The following COG3 variants were observed in gnomAD, a reference collection of about 807,000 sequenced individuals.
COG3 encodes conserved oligomeric Golgi complex subunit 3.
Under a neutral mutation model 114.1 loss-of-function variants are expected in COG3, and 32 were observed. That is an observed-to-expected ratio of 0.28 (90% confidence interval 0.21 to 0.38). COG3 has a LOEUF of 0.38. Ranked by LOEUF, COG3 falls within the 10% of genes least tolerant of loss-of-function variation. COG3 has a pLI of 1.00. For missense variants in COG3, 813 were observed against 973.2 expected (o/e 0.84, Z 2.19); for synonymous variants, 352 against 365.7 (o/e 0.96, Z 0.43).
chr13:45,486,539 T>G lies in COG3; in HGVS notation c.888T>G (p.Phe296Leu). Reference protein sequence around the residue: ...VPNADNAFTLFYVKFRAAAPK... With the variant: ...VPNADNAFTLLYVKFRAAAPK... ...ATGCAGACAATGCCTTCACATTATTTTATGTGAAATTTCGAGCTGCTGCCC... is the reference window on the plus strand; with the variant it reads ...ATGCAGACAATGCCTTCACATTATTGTATGTGAAATTTCGAGCTGCTGCCC... Residue 296 changes from phenylalanine (F) to leucine (L), a missense_variant, in exon 8 of 23, where the codon TTT becomes TTG. Physicochemically the swap from Phe to Leu is conservative, Grantham distance 22. This residue lies in a region of COG3 where 424 missense variants were observed against 430.6 expected (regional missense o/e 0.98). Transcript: ENST00000349995. The G allele has an allele frequency of 6.2e-7, 1 of 1,611,392 alleles. No individual in the cohort carries two copies. Among genetic ancestry groups the G allele is most frequent in the Non-Finnish European group, 8.5e-7 (1 of 1,177,520 alleles).
intron 20 of COG3, among the ~76,000 whole-genome samples, chr13:45,528,278 A>G (rs1467517810): frequency 6.6e-6 from 1 of 152,128 alleles, no homozygotes; most frequent in Non-Finnish European, 1.5e-5. Flanking sequence ...ACTTTTGGGA[A>G]CACCCTACTG....
chr13:45,496,002 C>T, intron 12 of COG3, 150 bp from the exon 13 acceptor site: 1 of 570,544 alleles, frequency 1.8e-6, no homozygotes, highest in East Asian at 3.2e-5. Flanking sequence ...TTTCCAAGCT[C>T]ATTGAGTCAT....
At chr13:45,484,781 G>T (rs1353202585) in intron 7 of COG3, among the ~76,000 whole-genome samples, 3 of 144,132 alleles carry the variant, frequency 2.1e-5, no homozygotes, top group Non-Finnish European at 4.6e-5. Context: ...GGTTACTTGA[G>T]ATTAGGGATT....
At chr13:45,490,286 G>A (rs759100602) in intron 8 of COG3, among the ~76,000 whole-genome samples, 14 of 152,100 alleles carry the variant, frequency 9.2e-5, no homozygotes, top group Non-Finnish European at 1.6e-4. Flanking sequence ...CTTTTGACCT[G>A]GTGTTTTGGG....
chr13:45,473,398 G>T (rs915536597), intron 1 of COG3, among the ~76,000 whole-genome samples: 1 of 152,048 alleles, frequency 6.6e-6, no homozygotes, highest in African/African-American at 2.4e-5. Context: ...CTTCATCCTA[G>T]CCTAGCTTTC....
Position 45,486,489 on chromosome 13 carries a change from C to G in COG3, c.844-6C>G. 6.3e-7 allele frequency: 1 copy of G among 1,577,620 alleles called. No homozygotes were observed. On this transcript the variant is annotated splice_polypyrimidine_tract_variant and splice_region_variant and intron_variant, in intron 7 of 22. Transcript: ENST00000349995. The stretch of plus-strand genomic sequence containing the variant: ...TCCTTCCTTATCCTCCCCCATGTTT[C>G]TTTAGGATCCTTCATCTGTACCTAA...
At chr13:45,501,153 T>C (rs1295652067) in intron 13 of COG3, among the ~76,000 whole-genome samples, 3 of 152,254 alleles carry the variant, frequency 2.0e-5, no homozygotes, top group Non-Finnish European at 2.9e-5. Flanking sequence ...TTCCCCACTT[T>C]CCACACTGTA....
intron 1 of COG3, chr13:45,465,856 T>TA (rs1885106352): frequency 6.6e-6 from 1 of 152,260 alleles, no homozygotes; most frequent in Non-Finnish European, 1.5e-5. Flanking sequence ...TTTTCGGTGT[T>TA]AGAGTCAATG....
intron 20 of COG3, among the ~76,000 whole-genome samples, chr13:45,526,064 T>C (rs1872651392): frequency 7.5e-6 from 1 of 132,988 alleles, no homozygotes; most frequent in African/African-American, 2.7e-5. Context: ...ATTCAAAGCC[T>C]CCAAAATTTT....
chr13:45,532,742 A>G (rs1407278472), intron 22 of COG3, among the ~76,000 whole-genome samples: 1 of 151,458 alleles, frequency 6.6e-6, no homozygotes, highest in African/African-American at 2.4e-5. Flanking sequence ...TATTTTTAGT[A>G]GAGACGGGGT....
At chr13:45,508,133 T>TCA (rs1340815552) in intron 14 of COG3, among the ~76,000 whole-genome samples, 1 of 130,644 alleles carries the variant, frequency 7.7e-6, no homozygotes, top group African/African-American at 2.9e-5. Context: ...CCTTTCTCCC[T>TCA]CATCCCTTTC....
chr13:45,512,935 A>G (rs1319467238), intron 16 of COG3, among the ~76,000 whole-genome samples: 1 of 151,774 alleles, frequency 6.6e-6, no homozygotes, highest in Non-Finnish European at 1.5e-5. Context: ...TTTAATCCAG[A>G]AGGGATCTGG....
intron 8 of COG3, among the ~76,000 whole-genome samples, chr13:45,487,833 CA>C (rs1317411618): frequency 6.6e-6 from 1 of 152,040 alleles, no homozygotes; most frequent in Non-Finnish European, 1.5e-5. Context: ...GGAGATTTCT[CA>C]AAAAACTAAA....
At chr13:45,469,041 T>C (rs1342474565) in intron 1 of COG3, among the ~76,000 whole-genome samples, 1 of 152,222 alleles carries the variant, frequency 6.6e-6, no homozygotes, top group Admixed American at 6.5e-5. Context: ...AAAAAATGAT[T>C]TGTTTGAAGT....
chr13:45,489,008 C>T (rs994109147), intron 8 of COG3, among the ~76,000 whole-genome samples: 6 of 150,926 alleles, frequency 4.0e-5, no homozygotes, highest in Non-Finnish European at 7.4e-5. Flanking sequence ...GGCAACATGG[C>T]GAAACCCTGT....
chr13:45,494,321 G>A (rs1209417283), intron 12 of COG3, among the ~76,000 whole-genome samples: 1 of 129,426 alleles, frequency 7.7e-6, no homozygotes, highest in Non-Finnish European at 1.6e-5. Context: ...GCAAGACTCT[G>A]TCTTAAAAAA....
In COG3 at chr13:45,535,858, A is replaced by C. The variant is rs937432396; in HGVS notation, c.*1127A>C. On this transcript the variant is annotated 3_prime_UTR_variant, in exon 23 of 23. Coordinates refer to ENST00000349995, the MANE Select transcript of COG3 (RefSeq NM_031431.4). ...TTGGATTGGTTTTGCCGCTGATGTT[A>C]AGGCAGCCAGCTTCTTAGTTCAAAA... 1 of 987,478 alleles carries C rather than the reference A, an allele frequency of 1.0e-6. No individual in the cohort carries two copies. The highest frequency in any genetic ancestry group is 1.7e-5 in the African/African-American group (1 of 57,302). 61.2% of individuals were successfully genotyped at this position (987,478 alleles called of 1,614,324 possible).
chr13:45,524,209 G>C (rs1872463543), intron 19 of COG3, among the ~76,000 whole-genome samples: 1 of 152,166 alleles, frequency 6.6e-6, no homozygotes, highest in African/African-American at 2.4e-5. Flanking sequence ...ACTTTCCCGT[G>C]AGGCCAAAGC....
chr13:45,485,407 G>T (rs1329269390), intron 7 of COG3, among the ~76,000 whole-genome samples: 1 of 1,226 alleles, frequency 8.2e-4, no homozygotes, highest in Non-Finnish European at 1.4e-3. Flanking sequence ...CGGGCGGGGG[G>T]GCTGACCCCC....
Sources: allele counts gnomAD v4.1 joint callset (sites outside exome capture counted in the v4.1 genomes callset), GRCh38; gene constraint gnomAD v4.1.1; regional missense constraint gnomAD v4.1.1; transcripts MANE v1.5; gene names NCBI Gene and HGNC (gene_info 2026-07-23, HGNC 2026-07-21).